HCN2: variants seen among roughly 807,000 people sequenced by gnomAD.
The protein encoded by HCN2 is potassium/sodium hyperpolarization-activated cyclic nucleotide-gated channel 2.
In HCN2, 20 loss-of-function variants were observed where a neutral mutation model predicts 52.3. That is an observed-to-expected ratio of 0.38 (90% CI 0.27 to 0.56). HCN2 has a LOEUF of 0.56. Ranked by LOEUF, HCN2 falls within the 20% of genes least tolerant of loss-of-function variation. HCN2 has a pLI of 0.71. For missense variants in HCN2, 981 were observed against 1,207.7 expected (o/e 0.81, Z 2.78); for synonymous variants, 694 against 537.0 (o/e 1.29, Z -4.04).
chr19:601,634 C>A (rs1402913279), intron 1 of HCN2, among the ~76,000 whole-genome samples: 1 of 152,144 alleles, frequency 6.6e-6, no homozygotes, highest in African/African-American at 2.4e-5. Context: ...GTTTTCATTT[C>A]TTTGGGTATA....
rs190041138 is a variant in HCN2 at position 591,881 on chromosome 19, G to C, written c.632+1304G>C. ...TGAGGCCTGGGGCACATGCGTCCTGGACAGAGCCTGGAGGAAGGCCCTGGA... is the reference window on the plus strand; with the variant it reads ...TGAGGCCTGGGGCACATGCGTCCTGCACAGAGCCTGGAGGAAGGCCCTGGA... On this transcript the variant is annotated intron_variant, in intron 1 of 7. Transcript: ENST00000251287. The surrounding 1 kb of genome is among the most constrained non-coding windows in gnomAD (Gnocchi z 4.1). Among the ~76,000 whole-genome samples the C allele has an allele frequency of 2.4e-4, 36 of 152,298 alleles. No homozygotes were observed. The highest frequency in any genetic ancestry group is 8.7e-4 in the African/African-American group (36 of 41,562).
At position 592,531 on chromosome 19, in the gene HCN2, G is replaced by A. The variant is rs956689714; in HGVS notation, c.632+1954G>A. ...AGGCATAGAGGGCTCAGAGGCCCCT[G>A]TGTGGACCAAGTGCAGCCCCACCCC... On this transcript the variant is annotated intron_variant, in intron 1 of 7. Transcript: ENST00000251287. This position sits in a 1 kb window ranked among gnomAD's most constrained non-coding sequence, Gnocchi z 4.8. Among the ~76,000 whole-genome samples, 23 of 152,198 alleles carry A rather than the reference G, an allele frequency of 1.5e-4. No homozygotes were observed. The highest frequency in any genetic ancestry group is 1.7e-4 in the African/African-American group (7 of 41,436).
chr19:604,803 CT>C (rs1983359470), intron 2 of HCN2, among the ~76,000 whole-genome samples: 2 of 60,544 alleles, frequency 3.3e-5, no homozygotes, highest in Admixed American at 5.6e-4. Flanking sequence ...GGGGGGTGTC[CT>C]AGGGCGGGGG....
At position 591,978 on chromosome 19, in the gene HCN2, G is replaced by T. The variant is rs1389917115; in HGVS notation, c.632+1401G>T. Among the ~76,000 whole-genome samples, 1 of 152,208 alleles carries T rather than the reference G, an allele frequency of 6.6e-6. No homozygotes were observed. The highest frequency in any genetic ancestry group is 2.1e-4 in the South Asian group (1 of 4,836). Reference sequence around the variant, plus strand: ...ACCAGAAGCCTGGATTTCGAGACAGGCCAGGGGTGGGAGGAGCCCCGAAAT... The same window carrying T: ...ACCAGAAGCCTGGATTTCGAGACAGTCCAGGGGTGGGAGGAGCCCCGAAAT... On this transcript the variant is annotated intron_variant, in intron 1 of 7. Transcript: ENST00000251287. This position sits in a 1 kb window ranked among gnomAD's most constrained non-coding sequence, Gnocchi z 4.1.
intron 1 of HCN2, among the ~76,000 whole-genome samples, chr19:598,898 G>A (rs552881577): frequency 3.3e-5 from 5 of 152,338 alleles, no homozygotes; most frequent in East Asian, 3.9e-4. Context: ...GTGAGCCACC[G>A]TGCCCAGCCT....
chr19:617,070 C>G lies in HCN2; in HGVS notation c.*596C>G, dbSNP rs372466103. 3.4e-6 allele frequency: 2 copies of G among 582,150 alleles called. No individual in the cohort carries two copies. The highest frequency in any genetic ancestry group is 3.8e-5 in the South Asian group (2 of 51,970). The allele number at this position is 582,150 out of a possible 1,614,324, so 36.1% of individuals were successfully genotyped here. A position where few individuals can be genotyped will look rare whatever the true frequency, so the allele number is the denominator to read the frequency against. On this transcript the variant is annotated 3_prime_UTR_variant, in exon 8 of 8. Coordinates refer to ENST00000251287, the MANE Select transcript of HCN2 (RefSeq NM_001194.4). ...CCGCCGTGATGAATGTACTGACGAG[C>G]CGAGGCAGCAGTGCCCCCACCGTGG...
chr19:611,700 C>A (rs1156260354), intron 5 of HCN2, among the ~76,000 whole-genome samples: 1 of 152,186 alleles, frequency 6.6e-6, no homozygotes. Flanking sequence ...GAGTGCTGCA[C>A]CCGATACCAC....
intron 1 of HCN2, among the ~76,000 whole-genome samples, chr19:594,682 C>T (rs1475933135): frequency 6.6e-6 from 1 of 152,134 alleles, no homozygotes; most frequent in Non-Finnish European, 1.5e-5. Flanking sequence ...GGAATAAACC[C>T]CCCATTATCC....
chr19:617,021 CGCGGGGG>C lies in HCN2; in HGVS notation c.*549_*555del, dbSNP rs1983991494. On this transcript the variant is annotated 3_prime_UTR_variant, in exon 8 of 8. Coordinates refer to ENST00000251287, the MANE Select transcript of HCN2 (RefSeq NM_001194.4). ...GAGAGGCAGGCCTGGCTGCGCAGGG[CGCGGGGG>C]GGAGGCTGGGGTCCCGCCGCCGTGA... 4 of 514,960 alleles carry C rather than the reference CGCGGGGG, an allele frequency of 7.8e-6. No homozygotes were observed. Among genetic ancestry groups the C allele is most frequent in the South Asian group, 2.0e-5 (1 of 49,858 alleles). The allele number at this position is 514,960 out of a possible 1,614,324, so 31.9% of individuals were successfully genotyped here.
intron 3 of HCN2, among the ~76,000 whole-genome samples, chr19:607,439 C>G (rs1461417241): frequency 6.6e-6 from 1 of 152,214 alleles, no homozygotes; most frequent in Non-Finnish European, 1.5e-5. Flanking sequence ...GTGCCCCTCC[C>G]CAGAGCCTGG....
At chr19:610,459 C>G (rs1443105279) in intron 5 of HCN2, 54 bp downstream of exon 5, 1 of 1,544,980 alleles carries the variant, frequency 6.5e-7, no homozygotes, top group African/African-American at 1.4e-5. Context: ...GGCCGGCCTC[C>G]CTCTCCTGGA....
intron 1 of HCN2, among the ~76,000 whole-genome samples, chr19:600,724 G>A (rs1294121421): frequency 3.9e-5 from 6 of 152,090 alleles, no homozygotes; most frequent in African/African-American, 1.2e-4. Flanking sequence ...CAAGTGATCC[G>A]CCTGCCTTGG....
At chr19:605,344 C>A (rs1256240363) in intron 3 of HCN2, 122 bp downstream of exon 3, 11 of 728,238 alleles carry the variant, frequency 1.5e-5, no homozygotes, top group Non-Finnish European at 2.2e-5. Flanking sequence ...GGGACCCAGG[C>A]GCCCCCTTAT....
At chr19:613,673 A>C (rs1444454785) in intron 6 of HCN2, among the ~76,000 whole-genome samples, 179 bp from the exon 7 acceptor site, 2,989 of 10,380 alleles carry the variant, frequency 0.29, 304 homozygotes, top group Middle Eastern at 0.36. Context: ...GGGGATGGGG[A>C]TGGGGCCGGG....
chr19:607,527 G>T (rs947604498), intron 3 of HCN2, among the ~76,000 whole-genome samples: 2 of 152,216 alleles, frequency 1.3e-5, no homozygotes, highest in Non-Finnish European at 2.9e-5. Context: ...ACAGAGCCCC[G>T]CGGCTCCCCT....
At position 616,088 on chromosome 19, in the gene HCN2, C is replaced by T. The variant is rs1183512863; in HGVS notation, c.2284C>T (p.Pro762Ser). 4.0e-6 allele frequency: 4 copies of T among 1,007,916 alleles called. No individual in the cohort carries two copies. Among genetic ancestry groups the T allele is most frequent in the Non-Finnish European group, 4.7e-6 (4 of 845,248 alleles). The allele number at this position is 1,007,916 out of a possible 1,614,324, so 62.4% of individuals were successfully genotyped here. Residue 762 changes from proline (P) to serine (S), a missense_variant, in exon 8 of 8, where the codon CCC (proline) becomes TCC (serine). Coordinates refer to ENST00000251287, the MANE Select transcript of HCN2 (RefSeq NM_001194.4). The stretch of plus-strand genomic sequence containing the variant: ...CTCGCCGCGCCTCGTGCGCCGCCCG[C>T]CCCCGGGGCCCGCACCTGCCGCCGC... The part of the protein sequence containing the change: ...LGSPRLVRRP[P>S]PGPAPAAASP...
At position 616,352 on chromosome 19, in the gene HCN2, C is replaced by T; in HGVS notation, c.2548C>T (p.Pro850Ser). The T allele has an allele frequency of 8.2e-7, 1 of 1,212,646 alleles. No homozygotes were observed. The highest frequency in any genetic ancestry group is 1.0e-6 in the Non-Finnish European group (1 of 963,812). The allele number at this position is 1,212,646 out of a possible 1,614,324, so 75.1% of individuals were successfully genotyped here. Residue 850 changes from proline to serine, a missense_variant, in exon 8 of 8, where the codon CCC becomes TCC. Physicochemically the swap from Pro to Ser is moderately conservative, Grantham distance 74 (BLOSUM62 -1). Transcript: ENST00000251287. ...PASSSTPRLGPTPAARAAAPS... is the reference protein window; with the variant it reads ...PASSSTPRLGSTPAARAAAPS... Reference sequence around the variant, plus strand: ...CAGCAGCTCCACACCGCGCTTGGGGCCCACGCCCGCTGCCCGGGCCGCCGC... The same window carrying T: ...CAGCAGCTCCACACCGCGCTTGGGGTCCACGCCCGCTGCCCGGGCCGCCGC...
chr19:593,112 C>T (rs892657423), intron 1 of HCN2, among the ~76,000 whole-genome samples: 21 of 152,260 alleles, frequency 1.4e-4, no homozygotes, highest in Non-Finnish European at 2.9e-4. Flanking sequence ...GCCCTCACCC[C>T]GGTTCTTCCT....
At chr19:612,276 C>T (rs1568367755) in intron 5 of HCN2, among the ~76,000 whole-genome samples, 2 of 152,218 alleles carry the variant, frequency 1.3e-5, no homozygotes, top group Non-Finnish European at 2.9e-5. Flanking sequence ...TAGAAGCTGC[C>T]TTTGCTAAGG....
Sources: gnomAD v4.1 joint callset for allele counts (sites outside exome capture counted in the v4.1 genomes callset) on GRCh38, gnomAD v4.1.1 for gene constraint, Gnocchi (gnomAD v3.1) non-coding constraint, MANE v1.5 for transcripts, NCBI Gene and HGNC (gene_info 2026-07-23, HGNC 2026-07-21) for gene names.